Variants in ISM1 observed in about 807,000 individuals in gnomAD.
The protein encoded by ISM1 is isthmin 1.
A neutral mutation model predicts 46.3 loss-of-function variants in ISM1; 25 were observed. The ratio of observed to expected loss-of-function variants is 0.54; its 90% CI spans 0.39 to 0.75. The LOEUF (loss-of-function observed/expected upper bound fraction) is 0.75. Among genes scored for constraint, ISM1 ranks in the 30% least tolerant of loss-of-function variants. ISM1 has a pLI of 0.00. For synonymous variants in ISM1, 255 were observed against 256.7 expected (o/e 0.99, Z 0.06); for missense variants, 536 against 625.4 (o/e 0.86, Z 1.52).
In ISM1 at chr20:13,263,938, T is replaced by C. The variant is rs1294955032; in HGVS notation, c.139-6566T>C. On this transcript the variant is annotated intron_variant, in intron 1 of 5. Transcript: ENST00000262487. Reference sequence around the variant, plus strand: ...GCATTGCTAATAATATCTTCTTTAATATCTTCAGTAGAAGATTCCTAGGGT... The same window carrying C: ...GCATTGCTAATAATATCTTCTTTAACATCTTCAGTAGAAGATTCCTAGGGT... Among the ~76,000 whole-genome samples the C allele has an allele frequency of 2.6e-5, 4 of 152,170 alleles. No homozygotes were observed. In the East Asian group the frequency reaches 7.7e-4, roughly 29 times the overall value.
chr20:13,272,248 C>A (rs1192530345), intron 2 of ISM1, among the ~76,000 whole-genome samples: 3 of 152,214 alleles, frequency 2.0e-5, no homozygotes, highest in Non-Finnish European at 4.4e-5. Context: ...CAGACTAACA[C>A]CCTCTGCATG....
At chr20:13,242,143 G>A (rs1380698668) in intron 1 of ISM1, among the ~76,000 whole-genome samples, 1 of 152,142 alleles carries the variant, frequency 6.6e-6, no homozygotes, top group Admixed American at 6.5e-5. Context: ...GGAAGAGGGT[G>A]GTTGAGATGC....
downstream of ISM1, among the ~76,000 whole-genome samples, chr20:13,304,124 T>A (rs1297046765): frequency 6.6e-6 from 1 of 152,126 alleles, no homozygotes; most frequent in Non-Finnish European, 1.5e-5. Context: ...ACTTGTAAAG[T>A]TTTTTGTAGG....
At chr20:13,301,161 C>G (rs754386172), downstream of ISM1, among the ~76,000 whole-genome samples, 1 of 152,088 alleles carries the variant, frequency 6.6e-6, no homozygotes, top group African/African-American at 2.4e-5. Context: ...TGACACAATT[C>G]TATTCTTATG....
At chr20:13,260,869 C>T (rs768596888) in intron 1 of ISM1, among the ~76,000 whole-genome samples, 8 of 152,218 alleles carry the variant, frequency 5.3e-5, no homozygotes, top group South Asian at 2.1e-4. Flanking sequence ...GGGTGGCTCT[C>T]ATAGCCTGGG....
intron 3 of ISM1, among the ~76,000 whole-genome samples, chr20:13,286,045 G>C (rs16993904): frequency 0.018 from 2,742 of 152,256 alleles, 78 homozygotes; most frequent in African/African-American, 0.063. Context: ...ACTCTACCTA[G>C]GGGATTTAAT....
At chr20:13,227,512 T>TC (rs2039539661) in intron 1 of ISM1, among the ~76,000 whole-genome samples, 1 of 133,534 alleles carries the variant, frequency 7.5e-6, no homozygotes, top group Non-Finnish European at 1.6e-5. Flanking sequence ...CCAACTTTTT[T>TC]CTTTTTTTTT....
chr20:13,222,908 A>T (rs2039467821), intron 1 of ISM1, among the ~76,000 whole-genome samples: 1 of 152,174 alleles, frequency 6.6e-6, no homozygotes. Context: ...CACGCCTGTG[A>T]TCCCAGCACT....
At chr20:13,306,703 AG>A in the ISM1 span, among the ~76,000 whole-genome samples, 7 of 152,160 alleles carry the variant, frequency 4.6e-5, no homozygotes, top group African/African-American at 1.7e-4. Flanking sequence ...GGAAGACAAG[AG>A]AGACTCATAC....
intron 1 of ISM1, among the ~76,000 whole-genome samples, chr20:13,236,384 C>T (rs546191578): frequency 6.6e-6 from 1 of 152,278 alleles, no homozygotes; most frequent in Admixed American, 6.5e-5. Flanking sequence ...TTGCCTCCAC[C>T]TGGGTCCTTC....
chr20:13,270,413 G>T, intron 1 of ISM1, 91 bp from the exon 2 acceptor site: 1 of 1,415,704 alleles, frequency 7.1e-7, no homozygotes, highest in Non-Finnish European at 9.6e-7. Flanking sequence ...CACTGGAATT[G>T]TCCTTGCTCC....
At chr20:13,230,448 T>G (rs1267779164) in intron 1 of ISM1, among the ~76,000 whole-genome samples, 2 of 152,222 alleles carry the variant, frequency 1.3e-5, no homozygotes, top group African/African-American at 2.4e-5. Flanking sequence ...TTAGTCTTAT[T>G]GTAAAACATT....
chr20:13,228,975 C>G (rs1342390116), intron 1 of ISM1, among the ~76,000 whole-genome samples: 1 of 152,154 alleles, frequency 6.6e-6, no homozygotes, highest in African/African-American at 2.4e-5. Context: ...CTCAACCACT[C>G]TGAAACCCAG....
chr20:13,266,355 A>G (rs1359085640), intron 1 of ISM1, among the ~76,000 whole-genome samples: 1 of 152,204 alleles, frequency 6.6e-6, no homozygotes, highest in African/African-American at 2.4e-5. Context: ...AGGAGCACCA[A>G]GCAGTAGCTA....
rs187542788 is a variant in ISM1, at chr20:13,254,461, C to G, written c.139-16043C>G. ...AATTCAAGAGAGCAAAATACCTGCC[C>G]CCCGCATCTCCTGCTGAGCCTCATT... On this transcript the variant is annotated intron_variant, in intron 1 of 5. Transcript: ENST00000262487. 9.2e-5 allele frequency among the ~76,000 whole-genome samples: 14 copies of G among 152,138 alleles called. No homozygotes were observed. The East Asian group carries it at 2.5e-3, about 27-fold the overall frequency.
intron 4 of ISM1, among the ~76,000 whole-genome samples, chr20:13,290,182 T>A (rs1330517366): frequency 6.6e-6 from 1 of 152,120 alleles, no homozygotes; most frequent in Non-Finnish European, 1.5e-5. Flanking sequence ...GACTTTCCCA[T>A]GCTCATTAGG....
Position 13,259,048 on chromosome 20 carries a change from C to T in ISM1, c.139-11456C>T, listed in dbSNP as rs144695463. On this transcript the variant is annotated intron_variant, in intron 1 of 5. Coordinates refer to ENST00000262487, the MANE Select transcript of ISM1 (RefSeq NM_080826.2). Reference sequence around the variant, plus strand: ...CTGTAATCCCAACACTTTGGGAGGCCGAGGCGGGTGGATCACCTGAGGTCA... The same window carrying T: ...CTGTAATCCCAACACTTTGGGAGGCTGAGGCGGGTGGATCACCTGAGGTCA... Among the ~76,000 whole-genome samples, 271 of 152,152 alleles carry T rather than the reference C, an allele frequency of 1.8e-3. 2 individuals are homozygous for T. Among genetic ancestry groups the T allele is most frequent in the Admixed American group, 3.7e-3 (57 of 15,278 alleles).
At chr20:13,322,968 T>C in the ISM1 span, among the ~76,000 whole-genome samples, 2 of 152,180 alleles carry the variant, frequency 1.3e-5, no homozygotes, top group African/African-American at 2.4e-5. Context: ...CTGGGATTAC[T>C]GTAGGAAGAG....
intron 3 of ISM1, among the ~76,000 whole-genome samples, chr20:13,288,238 TG>T (rs1414724327): frequency 6.6e-6 from 1 of 152,214 alleles, no homozygotes; most frequent in Non-Finnish European, 1.5e-5. Context: ...TGGTTACCTT[TG>T]GAAACTGCCT....
Sources: allele counts gnomAD v4.1 joint callset (sites outside exome capture counted in the v4.1 genomes callset), GRCh38; gene constraint gnomAD v4.1.1; transcripts MANE v1.5; gene names NCBI Gene and HGNC (gene_info 2026-07-23, HGNC 2026-07-21).